The following LAMA5 variants were observed in gnomAD, a reference collection of about 807,000 sequenced individuals.
The protein encoded by LAMA5 is laminin subunit alpha-5.
LAMA5 carries 260 observed loss-of-function variants against 433.4 expected under a neutral mutation model. The ratio of observed to expected loss-of-function variants is 0.60; its 90% CI spans 0.54 to 0.66. The LOEUF is 0.66. Ranked by LOEUF, LAMA5 falls within the 30% of genes least tolerant of loss-of-function variation. The probability of loss-of-function intolerance (pLI) is 0.00; values close to 1 mark genes in which losing one functional copy is unlikely to be tolerated. For missense variants in LAMA5, 5,378 were observed against 5,258.5 expected (o/e 1.02, Z -0.70); for synonymous variants, 2,620 against 2,226.6 (o/e 1.18, Z -4.97).
In LAMA5 at chr20:62,333,260, C is replaced by T. The variant is rs529880884; in HGVS notation, c.3129-17G>A. ...AGGAGGCAGCTGGGGGGACACAGGC[C>T]GTGGTCAGCCCCAGGTCCACCCAGG... On this transcript the variant is annotated splice_polypyrimidine_tract_variant and intron_variant, in intron 25 of 79. Transcript: ENST00000252999. 2.2e-5 allele frequency: 34 copies of T among 1,559,866 alleles called. No individual in the cohort carries two copies. The highest frequency in any genetic ancestry group is 2.7e-5 in the African/African-American group (2 of 73,692).
chr20:62,329,308 G>A, intron 32 of LAMA5, 55 bp from the exon 33 acceptor site: 1 of 1,340,066 alleles, frequency 7.5e-7, no homozygotes, highest in Non-Finnish European at 1.1e-6. Context: ...CAGCGGGGAG[G>A]CCCCCAGAGG....
rs754165674 is a variant in LAMA5 at position 62,337,682 on chromosome 20, G to T, written c.2072C>A (p.Pro691His). The change falls in exon 16 of 80, where the codon CCC becomes CAC. Residue 691 changes from proline to histidine, a missense_variant. Physicochemically the swap from Pro to His is moderately conservative, Grantham distance 77. Transcript: ENST00000252999. ...AEGSLHAACD[P>H]RSGQCSCRPR... ...CCGGCAGCTGCACTGCCCACTCCGGGGGTCACAGGCTGCGTGCAGGGAGCC... is the reference window on the plus strand; with the variant it reads ...CCGGCAGCTGCACTGCCCACTCCGGTGGTCACAGGCTGCGTGCAGGGAGCC... 4 of 1,612,038 alleles carry T rather than the reference G, an allele frequency of 2.5e-6. No homozygotes were observed. Among genetic ancestry groups the T allele is most frequent in the South Asian group, 2.2e-5 (2 of 91,020 alleles).
In LAMA5 at chr20:62,328,266, A is replaced by G; in HGVS notation, c.4627T>C (p.Cys1543Arg). 6.2e-7 allele frequency: 1 copy of G among 1,607,846 alleles called. No homozygotes were observed. The highest frequency in any genetic ancestry group is 8.5e-7 in the Non-Finnish European group (1 of 1,177,798). Residue 1543 changes from cysteine (C) to arginine (R), a missense_variant, in exon 35 of 80, where the codon TGT (cysteine) becomes CGT (arginine). Cys to Arg is a radical substitution (Grantham distance 180). Coordinates refer to ENST00000252999, the MANE Select transcript of LAMA5 (RefSeq NM_005560.6). Reference protein sequence around the residue: ...PGIQELTDPTCDTDSGQCKCR... With the variant: ...PGIQELTDPTRDTDSGQCKCR... ...TTGCACTGGCCGCTGTCTGTGTCAC[A>G]GGTAGGGTCTGTGAGCTCCTGGATG...
rs1266881153 is a variant in LAMA5 at position 62,309,980 on chromosome 20, G to A, written c.10828+8C>T. ...GGCAGAGTGCCCTGGCCACAGGAGG[G>A]GCCTCACCCGCTAGCCGGTGCCACT... On this transcript the variant is annotated splice_region_variant and intron_variant, in intron 78 of 79. Transcript: ENST00000252999. 3.7e-6 allele frequency: 6 copies of A among 1,609,574 alleles called. No individual in the cohort carries two copies. The African/African-American group carries it at 5.3e-5, about 14-fold the overall frequency.
intron 62 of LAMA5, 128 bp downstream of exon 62, chr20:62,314,176 A>T: frequency 1.6e-6 from 2 of 1,222,468 alleles, no homozygotes; most frequent in South Asian, 1.4e-5. Context: ...GTGGGCACGG[A>T]GAGGCGAGGG....
rs375989635 is a variant in LAMA5, at chr20:62,346,550, T to C, written c.1238A>G (p.Tyr413Cys). 3.8e-6 allele frequency: 6 copies of C among 1,560,294 alleles called. No homozygotes were observed. Among genetic ancestry groups the C allele is most frequent in the South Asian group, 3.5e-5 (3 of 85,208 alleles). Residue 413 changes from tyrosine to cysteine, a missense_variant, in exon 9 of 80, where the codon TAC becomes TGC. Physicochemically the swap from Tyr to Cys is radical, Grantham distance 194. Transcript: ENST00000252999. ...GTCGAGAGGGTGGTTGGGAGAGCGGTAGAAGCCGGGCAGGCAGCGCTCACA... is the reference window on the plus strand; with the variant it reads ...GTCGAGAGGGTGGTTGGGAGAGCGGCAGAAGCCGGGCAGGCAGCGCTCACA... Reference protein sequence around the residue: ...VNCERCLPGFYRSPNHPLDSP... With the variant: ...VNCERCLPGFCRSPNHPLDSP...
intron 26 of LAMA5, 37 bp from the exon 27 acceptor site, chr20:62,332,754 C>G (rs1044865234): frequency 6.3e-7 from 1 of 1,598,320 alleles, no homozygotes; most frequent in Admixed American, 1.8e-5. Context: ...GCCCGCCACC[C>G]CTCGCCCTTC....
At chr20:62,365,260 C>T (rs1986589622) in intron 1 of LAMA5, among the ~76,000 whole-genome samples, 1 of 152,240 alleles carries the variant, frequency 6.6e-6, no homozygotes, top group African/African-American at 2.4e-5. Flanking sequence ...GCCACTGAAA[C>T]TGTGGCCACT....
Position 62,320,300 on chromosome 20 carries a change from A to G in LAMA5, c.6759+259T>C, listed in dbSNP as rs893569215. ...GCCATTGCACTCCAGCCTGGGCAAC[A>G]AGAGCAAAACTGTGTCTCAAAAAAA... is the stretch of plus-strand genomic sequence containing the variant. On this transcript the variant is annotated intron_variant, in intron 50 of 79. Coordinates refer to ENST00000252999, the MANE Select transcript of LAMA5 (RefSeq NM_005560.6). Among the ~76,000 whole-genome samples, 404 of 149,146 alleles carry G rather than the reference A, an allele frequency of 2.7e-3. 2 individuals are homozygous for G. The highest frequency in any genetic ancestry group is 9.5e-3 in the African/African-American group (378 of 39,982).
chr20:62,322,620 G>GGGGGGC, intron 46 of LAMA5, 38 bp downstream of exon 46: 6 of 1,398,982 alleles, frequency 4.3e-6, no homozygotes, highest in Non-Finnish European at 5.9e-6. Context: ...TAGTCCCTAG[G>GGGGGGC]CCCCACCCAC....
At chr20:62,310,384 C>T in intron 76 of LAMA5, 35 bp downstream of exon 76, 1 of 1,574,502 alleles carries the variant, frequency 6.4e-7, no homozygotes, top group South Asian at 1.2e-5. Context: ...CCCTGCCCTG[C>T]CCTGCTGAGG....
Position 62,314,883 on chromosome 20 carries a change from C to A in LAMA5, c.8112G>T (p.Gly2704=), listed in dbSNP as rs746471012. Residue 2704 remains glycine, a synonymous_variant, in exon 60 of 80, where the codon GGG becomes GGT. Transcript: ENST00000252999. ...ACAGGGCCAGGCTGGCGTTGTGCAC[C>A]CCACGGTTCTCCAGGATGCTCAGCT... ...LAKLSILENR[G]VHNASLALSA... is the part of the protein sequence containing the mutation. 5 of 1,611,758 alleles carry A rather than the reference C, an allele frequency of 3.1e-6. No individual in the cohort carries two copies. The South Asian group carries it at 5.5e-5, about 18-fold the overall frequency.
At chr20:62,353,818 G>C (rs558752) in intron 2 of LAMA5, among the ~76,000 whole-genome samples, 122,596 of 152,110 alleles carry the variant, frequency 0.81, 51,339 homozygotes, top group East Asian at 0.94. Flanking sequence ...GCTCTGCTCA[G>C]TCCCATGCTG....
At chr20:62,318,817 C>A (rs754836381) in intron 52 of LAMA5, 26 bp downstream of exon 52, 1 of 1,607,478 alleles carries the variant, frequency 6.2e-7, no homozygotes, top group South Asian at 1.1e-5. Flanking sequence ...CTCCCCACCC[C>A]GCCTGCCAGG....
chr20:62,354,740 G>GC (rs1984913207), intron 2 of LAMA5, among the ~76,000 whole-genome samples: 3 of 152,088 alleles, frequency 2.0e-5, no homozygotes, highest in Admixed American at 2.0e-4. Context: ...ACCCGCCATA[G>GC]CCTCTGAGGG....
intron 33 of LAMA5, 22 bp from the exon 34 acceptor site, chr20:62,329,077 G>A (rs768991950): frequency 9.9e-6 from 16 of 1,612,300 alleles, no homozygotes; most frequent in African/African-American, 2.7e-5. Flanking sequence ...GGCACGTGGT[G>A]AGGCCAGCTC....
Position 62,313,445 on chromosome 20 carries a change from G to A in LAMA5, c.8674C>T (p.Arg2892Cys), listed in dbSNP as rs375523467. 3.2e-5 allele frequency: 52 copies of A among 1,608,388 alleles called. No individual in the cohort carries two copies. Among genetic ancestry groups the A allele is most frequent in the East Asian group, 6.7e-5 (3 of 44,824 alleles). ...PSTFTPPPLL[R>C]FPGYRGCIEM... ...ATGCAGCCCCGGTAGCCGGGGAAGCGAAGCAGGGGAGGGGGCTGTGGGCAC... is the reference window on the plus strand; with the variant it reads ...ATGCAGCCCCGGTAGCCGGGGAAGCAAAGCAGGGGAGGGGGCTGTGGGCAC... Residue 2892 changes from arginine (R) to cysteine (C), a missense_variant, in exon 64 of 80, where the codon CGC becomes TGC. Transcript: ENST00000252999.
intron 23 of LAMA5, 28 bp downstream of exon 23, chr20:62,333,863 TGGTGGGGCAG>T (rs1303557483): frequency 2.0e-6 from 3 of 1,506,700 alleles, no homozygotes; most frequent in Non-Finnish European, 2.7e-6. Flanking sequence ...TGGGCTGGGC[TGGTGGGGCAG>T]GGGCTGTGGC....
rs774112548 is a variant in LAMA5 at position 62,362,444 on chromosome 20, C to T, written c.406G>A (p.Gly136Ser). 4.8e-5 allele frequency: 77 copies of T among 1,588,934 alleles called. No individual in the cohort carries two copies. Among genetic ancestry groups the T allele is most frequent in the Non-Finnish European group, 6.0e-5 (70 of 1,164,458 alleles). ...ACGTTGACCTCGTTGTACTCCAGGC[C>T]GCGGGACAGCGGTGGACTCTGCCAC... ...RWWQSPPLSR[G>S]LEYNEVNVTL... Residue 136 changes from glycine to serine, a missense_variant, in exon 2 of 80, where the codon GGC becomes AGC. Gly to Ser is a moderately conservative substitution (Grantham distance 56). Coordinates refer to ENST00000252999, the MANE Select transcript of LAMA5 (RefSeq NM_005560.6).
Sources: gnomAD v4.1 joint callset for allele counts (sites outside exome capture counted in the v4.1 genomes callset) on GRCh38, gnomAD v4.1.1 for gene constraint, MANE v1.5 for transcripts, NCBI Gene and HGNC (gene_info 2026-07-23, HGNC 2026-07-21) for gene names.